Variants in SEC31A observed in about 807,000 individuals in gnomAD.
SEC31A encodes the protein SEC31 homolog A, COPII component.
Under a neutral mutation model 151.0 loss-of-function variants are expected in SEC31A, and 70 were observed. The observed-to-expected ratio is 0.46, with a 90% confidence interval of 0.38 to 0.57. The LOEUF (loss-of-function observed/expected upper bound fraction) is 0.57. Ranked by LOEUF, SEC31A falls within the 20% of genes least tolerant of loss-of-function variation. The probability of loss-of-function intolerance (pLI) is 0.00; values close to 1 mark genes in which losing one functional copy is unlikely to be tolerated. For missense variants in SEC31A, 1,330 were observed against 1,471.2 expected (o/e 0.90, Z 1.57); for synonymous variants, 475 against 505.9 (o/e 0.94, Z 0.82).
At chr4:82,854,792 T>C (rs1460730241) in intron 17 of SEC31A, 111 bp downstream of exon 17, 2 of 1,138,946 alleles carry the variant, frequency 1.8e-6, no homozygotes, top group Non-Finnish European at 2.4e-6. Context: ...TTTTTCTTTT[T>C]TGTGATTTGT....
In SEC31A at chr4:82,851,554, T is replaced by C. The variant is rs768418127; in HGVS notation, c.2205A>G (p.Gln735=). 8.7e-6 allele frequency: 14 copies of C among 1,613,296 alleles called. No homozygotes were observed. In the South Asian group the frequency reaches 1.5e-4, roughly 18 times the overall value. Reference sequence around the variant, plus strand: ...CTCCTACAGTACTAGTGTCCATGGCTTGAGTGAGTTGCACAGCTTTTCGCA... The same window carrying C: ...CTCCTACAGTACTAGTGTCCATGGCCTGAGTGAGTTGCACAGCTTTTCGCA... ...VILRKAVQLT[Q]AMDTSTVGVL... The change falls in exon 19 of 27, where the codon CAA becomes CAG. Residue 735 remains glutamine, a synonymous_variant. Coordinates refer to ENST00000395310, the MANE Select transcript of SEC31A (RefSeq NM_001077207.4).
At chr4:82,883,318 T>C (rs1167872796) in intron 1 of SEC31A, among the ~76,000 whole-genome samples, 1 of 152,186 alleles carries the variant, frequency 6.6e-6, no homozygotes, top group Non-Finnish European at 1.5e-5. Flanking sequence ...AAATAAATGG[T>C]CATCTGCACG....
intron 22 of SEC31A, among the ~76,000 whole-genome samples, chr4:82,837,224 T>C (rs1390015864): frequency 7.4e-6 from 1 of 135,340 alleles, no homozygotes; most frequent in Non-Finnish European, 1.6e-5. Context: ...AAAACTTTAA[T>C]GCAAGTTTTT....
chr4:82,827,852 C>T (rs1450212153), intron 23 of SEC31A, among the ~76,000 whole-genome samples: 9 of 151,180 alleles, frequency 6.0e-5, no homozygotes, highest in African/African-American at 2.2e-4. Context: ...GAGCTCAAAC[C>T]TGGACTTCTT....
chr4:82,867,415 T>G (rs1472073559), intron 8 of SEC31A, 99 bp from the exon 9 acceptor site: 4 of 936,428 alleles, frequency 4.3e-6, no homozygotes, highest in Non-Finnish European at 4.8e-6. Context: ...ATAGTTAAAT[T>G]GAATATTTTT....
chr4:82,866,028 A>G (rs948485413), intron 10 of SEC31A, among the ~76,000 whole-genome samples: 4 of 151,628 alleles, frequency 2.6e-5, no homozygotes, highest in Non-Finnish European at 4.4e-5. Context: ...TAAAAAAGAA[A>G]GCTAAAAGGA....
In SEC31A at chr4:82,851,536, A is replaced by G. The variant is rs1357152396; in HGVS notation, c.2223T>C (p.Thr741=). 7 of 1,614,046 alleles carry G rather than the reference A, an allele frequency of 4.3e-6. No individual in the cohort carries two copies. Among genetic ancestry groups the G allele is most frequent in the African/African-American group, 1.3e-5 (1 of 75,074 alleles). Residue 741 remains threonine (T), a synonymous_variant, in exon 19 of 27, where the codon ACT becomes ACC. Transcript: ENST00000395310. The part of the protein sequence containing the change: ...VQLTQAMDTS[T]VGVLLAAKMS... ...TCTTCGCAGCCAAGAGAACTCCTAC[A>G]GTACTAGTGTCCATGGCTTGAGTGA...
intron 22 of SEC31A, among the ~76,000 whole-genome samples, chr4:82,833,685 C>T (rs1726551729): frequency 6.6e-6 from 1 of 152,080 alleles, no homozygotes; most frequent in South Asian, 2.1e-4. Context: ...AGGGTCAGGA[C>T]AGGCCTAGCC....
exon 1 of SEC31A, chr4:82,900,531 T>A: frequency 3.9e-6 from 2 of 516,244 alleles, no homozygotes; most frequent in Non-Finnish European, 6.9e-6. Flanking sequence ...CAAAACCCAC[T>A]ATTCCGCCTC....
chr4:82,892,836 G>A (rs1719890070), upstream of SEC31A, among the ~76,000 whole-genome samples: 1 of 151,988 alleles, frequency 6.6e-6, no homozygotes, highest in Non-Finnish European at 1.5e-5. Flanking sequence ...CCACATTGTT[G>A]GACTGGTTTT....
At chr4:82,833,532 T>TAA (rs35174989) in intron 22 of SEC31A, among the ~76,000 whole-genome samples, 1 of 136,278 alleles carries the variant, frequency 7.3e-6, no homozygotes, top group African/African-American at 2.9e-5. Flanking sequence ...AGTTAAATTA[T>TAA]AAAAAAAAAA....
intron 3 of SEC31A, among the ~76,000 whole-genome samples, chr4:82,879,762 T>C (rs1193188066): frequency 1.3e-5 from 2 of 152,310 alleles, no homozygotes; most frequent in East Asian, 3.9e-4. Flanking sequence ...CTTATTTTAT[T>C]ACTGAAATGA....
At chr4:82,830,180 C>T (rs538099442) in intron 22 of SEC31A, among the ~76,000 whole-genome samples, 1 of 152,338 alleles carries the variant, frequency 6.6e-6, no homozygotes, top group South Asian at 2.1e-4. Context: ...AAACAGAATT[C>T]AGGCGAGGCG....
Position 82,819,113 on chromosome 4 carries a change from G to T in SEC31A, c.3624C>A (p.Leu1208=), listed in dbSNP as rs369954695. 2.2e-5 allele frequency: 36 copies of T among 1,611,470 alleles called. No individual in the cohort carries two copies. The African/African-American group carries it at 4.5e-4, about 20-fold the overall frequency. Residue 1208 remains leucine, a synonymous_variant, in exon 27 of 27, where the codon CTC becomes CTA. Coordinates refer to ENST00000395310, the MANE Select transcript of SEC31A (RefSeq NM_001077207.4). ...TATTGGCCTGGGTGAGAACAACTTT[G>T]AGAACTGGCATGAAAGCAGAGGTCT... The part of the protein sequence containing the change: ...FSETSAFMPV[L]KVVLTQANKL...
intron 6 of SEC31A, among the ~76,000 whole-genome samples, 173 bp downstream of exon 6, chr4:82,874,436 TTA>T (rs1358919228): frequency 6.6e-6 from 1 of 152,256 alleles, no homozygotes; most frequent in African/African-American, 2.4e-5. Context: ...ATTGGGAATT[TTA>T]TGATTTTCCC....
At chr4:82,863,045 C>G (rs1349351548) in intron 12 of SEC31A, among the ~76,000 whole-genome samples, 1 of 152,202 alleles carries the variant, frequency 6.6e-6, no homozygotes, top group Non-Finnish European at 1.5e-5. Context: ...ATGCAACAAC[C>G]TGCAATGCTA....
At position 82,854,934 on chromosome 4, in the gene SEC31A, A is replaced by G. The variant is rs111755175; in HGVS notation, c.1977T>C (p.Tyr659=). ...WREALAAVLT[Y]AKPDEFSALC... is the part of the protein sequence containing the mutation. ...GGGCTGAAAATTCATCCGGCTTTGC[A>G]TAAGTCAATACTGCAGCTAAAGCCT... Residue 659 remains tyrosine, a synonymous_variant, in exon 17 of 27, where the codon TAT becomes TAC. Coordinates refer to ENST00000395310, the MANE Select transcript of SEC31A (RefSeq NM_001077207.4). 1.9e-3 allele frequency: 3,017 copies of G among 1,613,414 alleles called. 27 individuals are homozygous for G. In the Middle Eastern group the frequency reaches 0.019, roughly 10 times the overall value.
At chr4:82,875,260 G>T (rs1312117758) in intron 5 of SEC31A, among the ~76,000 whole-genome samples, 4 of 152,148 alleles carry the variant, frequency 2.6e-5, no homozygotes, top group Non-Finnish European at 4.4e-5. Context: ...GAAACTCAGG[G>T]AAGAACAGGA....
At chr4:82,877,390 T>C (rs1190051505) in intron 4 of SEC31A, 1 of 151,504 alleles carries the variant, frequency 6.6e-6, no homozygotes, top group East Asian at 1.9e-4. Flanking sequence ...GGTCTTTTTT[T>C]TTTTTCCAGA....
Sources: allele counts gnomAD v4.1 joint callset (sites outside exome capture counted in the v4.1 genomes callset), GRCh38; gene constraint gnomAD v4.1.1; transcripts MANE v1.5; gene names NCBI Gene and HGNC (gene_info 2026-07-23, HGNC 2026-07-21).